The following GTF2E1 variants were observed in gnomAD, a reference collection of about 807,000 sequenced individuals.
GTF2E1 encodes general transcription factor IIE subunit 1, also known as TFIIE alpha subunit.
A neutral mutation model predicts 34.9 loss-of-function variants in GTF2E1; 14 were observed. The observed-to-expected ratio is 0.40, with a 90% CI of 0.27 to 0.63. The LOEUF is 0.63. Ranked by LOEUF, GTF2E1 falls within the 20% of genes least tolerant of loss-of-function variation. GTF2E1 has a pLI of 0.39. For missense variants in GTF2E1, 469 were observed against 557.7 expected (o/e 0.84, Z 1.60); for synonymous variants, 188 against 192.9 (o/e 0.97, Z 0.21).
intron 2 of GTF2E1, among the ~76,000 whole-genome samples, chr3:120,767,656 T>C (rs967102923): frequency 6.6e-6 from 1 of 152,126 alleles, no homozygotes; most frequent in African/African-American, 2.4e-5. Flanking sequence ...TCTGCCAGTA[T>C]CCATGAAACT....
intron 2 of GTF2E1, among the ~76,000 whole-genome samples, chr3:120,765,371 G>T (rs1709299010): frequency 6.6e-6 from 1 of 152,176 alleles, no homozygotes; most frequent in Non-Finnish European, 1.5e-5. Flanking sequence ...TGGCAAACCT[G>T]ATAGGTTAAG....
intron 3 of GTF2E1, among the ~76,000 whole-genome samples, chr3:120,774,258 G>A (rs1196019193): frequency 1.3e-5 from 2 of 152,156 alleles, no homozygotes; most frequent in Non-Finnish European, 2.9e-5. Flanking sequence ...GTTGGCTGAG[G>A]ATAGAAGAGG....
chr3:120,749,224 T>C (rs1212261727), intron 1 of GTF2E1, among the ~76,000 whole-genome samples: 1 of 151,970 alleles, frequency 6.6e-6, no homozygotes, highest in East Asian at 1.9e-4. Flanking sequence ...CTTCCTCTTT[T>C]CCTAATTGAA....
intron 2 of GTF2E1, among the ~76,000 whole-genome samples, chr3:120,762,002 G>T (rs1451044592): frequency 6.6e-6 from 1 of 152,030 alleles, no homozygotes; most frequent in East Asian, 1.9e-4. Flanking sequence ...GTGTTAGCCA[G>T]GATGGTCTCG....
At chr3:120,761,786 A>ATTTTTTTTTTTTTTT (rs35658998) in intron 2 of GTF2E1, among the ~76,000 whole-genome samples, 1 of 120,136 alleles carries the variant, frequency 8.3e-6, no homozygotes. Context: ...TCTGAGAGAC[A>ATTTTTTTTTTTTTTT]TTTTTTTTTT....
At chr3:120,772,820 AC>A (rs1403066095) in intron 3 of GTF2E1, among the ~76,000 whole-genome samples, 2 of 151,872 alleles carry the variant, frequency 1.3e-5, no homozygotes, top group Non-Finnish European at 2.9e-5. Context: ...AATGTTCTCC[AC>A]CTACCACAAT....
intron 4 of GTF2E1, among the ~76,000 whole-genome samples, chr3:120,778,661 C>T (rs1416470909): frequency 6.6e-6 from 1 of 152,144 alleles, no homozygotes; most frequent in Admixed American, 6.5e-5. Context: ...GTTGTTCATG[C>T]ATGGATTCAC....
At position 120,770,854 on chromosome 3, in the gene GTF2E1, G is replaced by A. The variant is rs761370342; in HGVS notation, c.575G>A (p.Arg192Gln). ...ATTGAGCCCATTTATGCATTGCTTC[G>A]GGAGACAGAGGATGTGAACTTGGCC... Reference protein sequence around the residue: ...EQIEPIYALLRETEDVNLAYE... With the variant: ...EQIEPIYALLQETEDVNLAYE... The change falls in exon 3 of 5, where the codon CGG becomes CAG. Residue 192 changes from arginine to glutamine, a missense_variant. Physicochemically the swap from Arg to Gln is conservative, Grantham distance 43. Transcript: ENST00000283875. 7.4e-6 allele frequency: 12 copies of A among 1,613,492 alleles called. No homozygotes were observed. The highest frequency in any genetic ancestry group is 2.2e-5 in the South Asian group (2 of 91,080).
intron 1 of GTF2E1, among the ~76,000 whole-genome samples, chr3:120,744,974 A>G (rs1245746740): frequency 2.0e-5 from 3 of 151,540 alleles, no homozygotes; most frequent in African/African-American, 7.3e-5. Context: ...GCTGGTGTGC[A>G]GTGGCTCAAT....
intron 2 of GTF2E1, among the ~76,000 whole-genome samples, chr3:120,764,780 CT>C (rs368480796): frequency 1.6e-4 from 24 of 151,768 alleles, no homozygotes; most frequent in African/African-American, 5.8e-4. Context: ...GTGGGGTTTT[CT>C]TTTTTTTGCT....
intron 2 of GTF2E1, among the ~76,000 whole-genome samples, chr3:120,766,003 C>T (rs1484345060): frequency 6.6e-6 from 1 of 152,128 alleles, no homozygotes; most frequent in Non-Finnish European, 1.5e-5. Context: ...TTGTGCAGAG[C>T]TCTGAGTTTC....
Position 120,750,923 on chromosome 3 carries a change from G to A in GTF2E1, c.371G>A (p.Arg124Gln). ...IETDERDSTN[R>Q]ASFKCPVCSS... ...ACCGATGAGAGAGATTCGACCAACC[G>A]GGCTTCCTTCAAATGTCCTGTCTGT... The change falls in exon 2 of 5, where the codon CGG becomes CAG. Residue 124 changes from arginine (R) to glutamine (Q), a missense_variant. Coordinates refer to ENST00000283875, the MANE Select transcript of GTF2E1 (RefSeq NM_005513.3). 1 of 1,613,862 alleles carries A rather than the reference G, an allele frequency of 6.2e-7. No individual in the cohort carries two copies. The highest frequency in any genetic ancestry group is 8.5e-7 in the Non-Finnish European group (1 of 1,179,842).
chr3:120,745,425 G>A (rs369020317), intron 1 of GTF2E1, among the ~76,000 whole-genome samples: 11 of 152,142 alleles, frequency 7.2e-5, no homozygotes, highest in African/African-American at 2.4e-4. Flanking sequence ...CATGCAGGAT[G>A]AGCATTGGCA....
At chr3:120,765,850 GCTTT>G (rs1709303131) in intron 2 of GTF2E1, among the ~76,000 whole-genome samples, 1 of 152,114 alleles carries the variant, frequency 6.6e-6, no homozygotes, top group South Asian at 2.1e-4. Flanking sequence ...CATTTGTCAA[GCTTT>G]GCCTAAAGAA....
chr3:120,744,923 A>C (rs1275652771), intron 1 of GTF2E1, among the ~76,000 whole-genome samples: 1 of 149,736 alleles, frequency 6.7e-6, no homozygotes, highest in Non-Finnish European at 1.5e-5. Context: ...GGCACCATTA[A>C]TCACTTTTTT....
At chr3:120,771,625 C>T (rs779185778) in intron 3 of GTF2E1, among the ~76,000 whole-genome samples, 1 of 152,062 alleles carries the variant, frequency 6.6e-6, no homozygotes, top group African/African-American at 2.4e-5. Flanking sequence ...TTCACTTCAC[C>T]CACTCCCTTC....
At chr3:120,754,938 A>G (rs1335628147) in intron 2 of GTF2E1, among the ~76,000 whole-genome samples, 1 of 152,134 alleles carries the variant, frequency 6.6e-6, no homozygotes, top group Non-Finnish European at 1.5e-5. Flanking sequence ...GGAGGATCGC[A>G]TAATGTAATA....
chr3:120,751,677 C>G (rs896139812), intron 2 of GTF2E1, among the ~76,000 whole-genome samples: 3 of 152,102 alleles, frequency 2.0e-5, no homozygotes, highest in African/African-American at 7.2e-5. Flanking sequence ...ACATGAGAAA[C>G]TTTAAAGTTC....
rs529427187 is a variant in GTF2E1 at position 120,749,422 on chromosome 3, C to T, written c.-30-1101C>T. On this transcript the variant is annotated intron_variant, in intron 1 of 4. Transcript: ENST00000283875. ...AGATAGCTCTTATTATTTTGAGATACGTCCCATCAATACCTAACTTATTGA... is the reference window on the plus strand; with the variant it reads ...AGATAGCTCTTATTATTTTGAGATATGTCCCATCAATACCTAACTTATTGA... 8.5e-4 allele frequency among the ~76,000 whole-genome samples: 129 copies of T among 152,212 alleles called. 2 individuals are homozygous for T. In the South Asian group the frequency reaches 0.011, roughly 13 times the overall value.
Sources: allele counts gnomAD v4.1 joint callset (sites outside exome capture counted in the v4.1 genomes callset), GRCh38; gene constraint gnomAD v4.1.1; transcripts MANE v1.5; gene names NCBI Gene and HGNC (gene_info 2026-07-23, HGNC 2026-07-21).